The following ZHX2 variants were observed in gnomAD, a reference collection of about 807,000 sequenced individuals.
ZHX2 encodes zinc fingers and homeoboxes protein 2.
A neutral mutation model predicts 21.9 loss-of-function variants in ZHX2; 6 were observed. That is an observed-to-expected ratio of 0.27 (90% CI 0.15 to 0.54). ZHX2 has a LOEUF of 0.54. Among genes scored for constraint, ZHX2 ranks in the 20% least tolerant of loss-of-function variants. The pLI is 0.95. For synonymous variants in ZHX2, 434 were observed against 437.1 expected, an observed-to-expected ratio of 0.99 and a Z score of 0.09; for missense variants, 908 against 1,090.7, an observed-to-expected ratio of 0.83 and a Z score of 2.36.
At chr8:122,870,269 G>C (rs1440227500) in intron 2 of ZHX2, among the ~76,000 whole-genome samples, 4 of 152,126 alleles carry the variant, frequency 2.6e-5, no homozygotes, top group African/African-American at 7.2e-5. Context: ...GCTGTTTGCA[G>C]GGAGCAATGA....
intron 1 of ZHX2, among the ~76,000 whole-genome samples, chr8:122,813,453 G>A (rs1472372177): frequency 6.6e-6 from 1 of 152,122 alleles, no homozygotes; most frequent in Non-Finnish European, 1.5e-5. Flanking sequence ...AGCTTGACTG[G>A]CATGATGACT....
chr8:122,933,801 A>G (rs4870827), intron 2 of ZHX2, among the ~76,000 whole-genome samples: 84,481 of 152,026 alleles, frequency 0.56, 23,778 homozygotes, highest in Admixed American at 0.61. Flanking sequence ...TAGAGTCATG[A>G]GTTACCTCAA....
At chr8:122,823,560 G>A (rs902627263) in intron 1 of ZHX2, among the ~76,000 whole-genome samples, 2 of 152,194 alleles carry the variant, frequency 1.3e-5, no homozygotes, top group Non-Finnish European at 2.9e-5. Flanking sequence ...ATTCTAACAT[G>A]AGCACCCAGG....
chr8:122,807,829 C>T (rs1263991609), intron 1 of ZHX2: 2 of 152,232 alleles, frequency 1.3e-5, no homozygotes, highest in Non-Finnish European at 2.9e-5. Context: ...TGCTCAAGGC[C>T]ACCCAGGTGG....
chr8:122,947,705 CT>C, intron 2 of ZHX2, among the ~76,000 whole-genome samples: 1 of 152,142 alleles, frequency 6.6e-6, no homozygotes, highest in East Asian at 1.9e-4. Flanking sequence ...GGGAGGCTGA[CT>C]TTTCAATGGA....
chr8:122,848,077 G>C (rs933281329), intron 1 of ZHX2, among the ~76,000 whole-genome samples: 3 of 152,174 alleles, frequency 2.0e-5, no homozygotes, highest in African/African-American at 7.2e-5. Flanking sequence ...CCTTTGGTCG[G>C]CTCAGTTGAG....
chr8:122,883,694 T>A (rs1708816339), intron 2 of ZHX2, among the ~76,000 whole-genome samples: 1 of 152,208 alleles, frequency 6.6e-6, no homozygotes, highest in Non-Finnish European at 1.5e-5. Flanking sequence ...ACACAAATAG[T>A]ACAGTCAATG....
chr8:122,853,220 A>C (rs1459736036), intron 1 of ZHX2, among the ~76,000 whole-genome samples: 6 of 152,104 alleles, frequency 3.9e-5, no homozygotes, highest in African/African-American at 1.2e-4. Flanking sequence ...ACTCATCATC[A>C]TGATACTCTC....
intron 1 of ZHX2, among the ~76,000 whole-genome samples, chr8:122,855,430 G>A (rs973450352): frequency 8.5e-5 from 13 of 152,176 alleles, no homozygotes; most frequent in Admixed American, 4.6e-4. Flanking sequence ...GGCACTGGCC[G>A]GGTCAGAGTG....
intron 2 of ZHX2, among the ~76,000 whole-genome samples, chr8:122,900,105 C>G (rs142775324): frequency 6.6e-6 from 1 of 152,180 alleles, no homozygotes; most frequent in African/African-American, 2.4e-5. Context: ...ATAGGGCACT[C>G]TGGGAACAGG....
At chr8:122,855,820 T>C (rs1441592838) in intron 1 of ZHX2, among the ~76,000 whole-genome samples, 1 of 152,226 alleles carries the variant, frequency 6.6e-6, no homozygotes, top group Non-Finnish European at 1.5e-5. Context: ...TCTCCTTCTG[T>C]ATTCCCAGCT....
At chr8:122,908,705 A>G (rs1001881227) in intron 2 of ZHX2, among the ~76,000 whole-genome samples, 5 of 152,232 alleles carry the variant, frequency 3.3e-5, no homozygotes, top group African/African-American at 1.2e-4. Flanking sequence ...GACAGGCTCC[A>G]CAATTAATTT....
chr8:122,792,408 A>G (rs1386512169), intron 1 of ZHX2, among the ~76,000 whole-genome samples: 1 of 152,118 alleles, frequency 6.6e-6, no homozygotes, highest in African/African-American at 2.4e-5. Context: ...CTTTATGGTG[A>G]TTATGATGCT....
chr8:122,791,241 G>A lies in ZHX2; in HGVS notation c.-283+9295G>A, dbSNP rs185353656. 3.8e-3 allele frequency among the ~76,000 whole-genome samples: 576 copies of A among 152,290 alleles called. 3 individuals carry two copies. Among genetic ancestry groups the A allele is most frequent in the Middle Eastern group, 0.014 (4 of 294 alleles). On this transcript the variant is annotated intron_variant, in intron 1 of 3. Transcript: ENST00000314393. ...TGGATGCTCCAAATATCCTCACACC[G>A]TAGCCCATGTCATTTGCACAGCAAC...
intron 1 of ZHX2, among the ~76,000 whole-genome samples, chr8:122,849,584 C>T (rs1317871392): frequency 1.3e-5 from 2 of 152,132 alleles, no homozygotes; most frequent in Non-Finnish European, 2.9e-5. Context: ...CCATCTCTGC[C>T]TCTGTCTTCA....
rs778850316 is a variant in ZHX2, at chr8:122,953,802, C to T, written c.2292C>T (p.Pro764=). ...EPAKDCLPAK[P]SEATSDRSEG... ...CAAAAGACTGTTTGCCAGCAAAGCCCTCAGAGGCCACCTCAGACCGGTCAG... is the reference window on the plus strand; with the variant it reads ...CAAAAGACTGTTTGCCAGCAAAGCCTTCAGAGGCCACCTCAGACCGGTCAG... Residue 764 remains proline (P), a synonymous_variant, in exon 3 of 4, where the codon CCC becomes CCT. Transcript: ENST00000314393. The surrounding 1 kb of genome is among the most constrained non-coding windows in gnomAD (Gnocchi z 4.6). 2.5e-6 allele frequency: 4 copies of T among 1,614,254 alleles called. No homozygotes were observed. Among genetic ancestry groups the T allele is most frequent in the Non-Finnish European group, 3.4e-6 (4 of 1,180,034 alleles).
intron 2 of ZHX2, among the ~76,000 whole-genome samples, chr8:122,901,687 T>C (rs1820234262): frequency 6.6e-6 from 1 of 152,186 alleles, no homozygotes; most frequent in Non-Finnish European, 1.5e-5. Context: ...TTACTGACAT[T>C]TGGGGCCGGT....
At chr8:122,869,387 C>G (rs1819377748) in intron 2 of ZHX2, among the ~76,000 whole-genome samples, 1 of 150,976 alleles carries the variant, frequency 6.6e-6, no homozygotes, top group Non-Finnish European at 1.5e-5. Flanking sequence ...GAGTGCAGTG[C>G]TGCGATCTCG....
chr8:122,916,587 C>T (rs1701058986), intron 2 of ZHX2, among the ~76,000 whole-genome samples: 1 of 152,182 alleles, frequency 6.6e-6, no homozygotes, highest in South Asian at 2.1e-4. Context: ...TATGTGTACA[C>T]ACACACCCTC....
Sources: allele counts gnomAD v4.1 joint callset (sites outside exome capture counted in the v4.1 genomes callset), GRCh38; gene constraint gnomAD v4.1.1; non-coding constraint Gnocchi (gnomAD v3.1); transcripts MANE v1.5; gene names NCBI Gene and HGNC (gene_info 2026-07-23, HGNC 2026-07-21).